The following SNX27 variants were observed in gnomAD, a reference collection of about 807,000 sequenced individuals.
The protein encoded by SNX27 is sorting nexin-27.
SNX27 carries 22 observed loss-of-function variants against 71.6 expected under a neutral mutation model. The ratio of observed to expected loss-of-function variants is 0.31; its 90% confidence interval spans 0.22 to 0.44. SNX27 has a LOEUF of 0.44. SNX27 is among the 20% of genes least tolerant of loss of function. The pLI, the probability that SNX27 is intolerant of heterozygous loss-of-function variation, is 1.00. For synonymous variants in SNX27, 269 were observed against 277.2 expected, an observed-to-expected ratio of 0.97 and a Z score of 0.29; for missense variants, 531 against 698.6, an observed-to-expected ratio of 0.76 and a Z score of 2.70.
At chr1:151,618,886 C>T (rs187247135) in intron 1 of SNX27, among the ~76,000 whole-genome samples, 3 of 152,038 alleles carry the variant, frequency 2.0e-5, no homozygotes, top group Admixed American at 1.3e-4. Flanking sequence ...CAGTAAGAGC[C>T]CATGGATGGG....
At position 151,639,032 on chromosome 1, in the gene SNX27, A is replaced by G. The variant is rs774725804; in HGVS notation, c.456A>G (p.Gln152=). The part of the protein sequence containing the change: ...NLDPSDDSLG[Q]SFYDYTEKQA... The stretch of plus-strand genomic sequence containing the variant: ...ATCCCAGTGACGACTCGTTGGGACA[A>G]TCATTTTATGATTACACAGAAAAGC... The change falls in exon 2 of 12, where the codon CAA becomes CAG. Residue 152 remains glutamine (Q), a synonymous_variant. Coordinates refer to ENST00000458013, the MANE Select transcript of SNX27 (RefSeq NM_001330723.2). The G allele has an allele frequency of 1.3e-5, 21 of 1,614,086 alleles. No homozygotes were observed. The highest frequency in any genetic ancestry group is 1.6e-4 in the Middle Eastern group (1 of 6,084).
Position 151,633,274 on chromosome 1 carries a change from C to T in SNX27, c.312-5614C>T, listed in dbSNP as rs946598432. Among the ~76,000 whole-genome samples the T allele has an allele frequency of 6.6e-5, 10 of 152,084 alleles. No homozygotes were observed. The South Asian group carries it at 1.2e-3, about 19-fold the overall frequency. ...GTATACATCCATTTAACCACCACCCCAGTCAAGATACAGACAGTTCCATCA... is the reference window on the plus strand; with the variant it reads ...GTATACATCCATTTAACCACCACCCTAGTCAAGATACAGACAGTTCCATCA... On this transcript the variant is annotated intron_variant, in intron 1 of 11. Coordinates refer to ENST00000458013, the MANE Select transcript of SNX27 (RefSeq NM_001330723.2).
At chr1:151,651,947 C>T (rs1461131045) in intron 2 of SNX27, among the ~76,000 whole-genome samples, 1 of 152,076 alleles carries the variant, frequency 6.6e-6, no homozygotes, top group South Asian at 2.1e-4. Context: ...CGTCTGCAAT[C>T]CCGGCACCTG....
rs749749676 is a variant in SNX27, at chr1:151,696,543, TTCTC to T, written c.*2128_*2131del. 1 of 144,216 alleles carries T rather than the reference TTCTC, an allele frequency of 6.9e-6. No individual in the cohort carries two copies. Among genetic ancestry groups the T allele is most frequent in the Admixed American group, 7.0e-5 (1 of 14,208 alleles). The allele number at this position is 144,216 out of a possible 1,614,324, so 8.9% of individuals were successfully genotyped here. On this transcript the variant is annotated 3_prime_UTR_variant, in exon 12 of 12. Transcript: ENST00000458013. ...TTTCGTTCTTTCTTTCTTTCTTTCT[TTCTC>T]TTTCTTTCTTTTGCTTTCCTTCTTT... is the stretch of plus-strand genomic sequence containing the variant.
chr1:151,673,685 G>T (rs775965941), intron 7 of SNX27, among the ~76,000 whole-genome samples: 34 of 152,046 alleles, frequency 2.2e-4, no homozygotes, highest in Non-Finnish European at 4.4e-4. Flanking sequence ...AATAATATTT[G>T]CTTTAGATAT....
At chr1:151,628,006 GT>G (rs34932455) in intron 1 of SNX27, among the ~76,000 whole-genome samples, 36,590 of 122,714 alleles carry the variant, frequency 0.3, 4,544 homozygotes, top group Middle Eastern at 0.4. Flanking sequence ...TTTCATGACT[GT>G]TTTTTTTTTT....
Position 151,692,508 on chromosome 1 carries a change from G to A in SNX27, c.1313G>A (p.Arg438Lys), listed in dbSNP as rs1671502312. ...CCCCACTGTGCCTGTGACTCCAGGA[G>A]GAAGGGGCACGTTATCACAGCCATC... ...IFPHCACDSR[R>K]KGHVITAISI... Residue 438 changes from arginine (R) to lysine (K), a missense_variant, in exon 9 of 12, where the codon AGG becomes AAG. Physicochemically the swap from Arg to Lys is conservative, Grantham distance 26. Coordinates refer to ENST00000458013, the MANE Select transcript of SNX27 (RefSeq NM_001330723.2). 2 of 1,608,998 alleles carry A rather than the reference G, an allele frequency of 1.2e-6. No homozygotes were observed. Among genetic ancestry groups the A allele is most frequent in the African/African-American group, 1.4e-5 (1 of 73,916 alleles).
intron 1 of SNX27, among the ~76,000 whole-genome samples, chr1:151,614,785 A>C (rs1309064797): frequency 1.3e-5 from 2 of 152,214 alleles, no homozygotes; most frequent in African/African-American, 4.8e-5. Flanking sequence ...TATAATTATA[A>C]ATTTATGATG....
rs1668605133 is a variant in SNX27, at chr1:151,639,069, A to C, written c.493A>C (p.Ile165Leu). The change falls in exon 2 of 12, where the codon ATA becomes CTA. Residue 165 changes from isoleucine (I) to leucine (L), a missense_variant. Transcript: ENST00000458013. ...TTACACAGAAAAGCAAGCAGTGCCC[A>C]TATCGGTCCCCAGATACAAACATGT... ...YDYTEKQAVP[I>L]SVPRYKHVEQ... is the part of the protein sequence containing the mutation. The C allele has an allele frequency of 6.2e-7, 1 of 1,614,236 alleles. No homozygotes were observed. The highest frequency in any genetic ancestry group is 8.5e-7 in the Non-Finnish European group (1 of 1,180,042).
chr1:151,686,742 C>G (rs912874306), intron 8 of SNX27, among the ~76,000 whole-genome samples: 1 of 152,254 alleles, frequency 6.6e-6, no homozygotes, highest in African/African-American at 2.4e-5. Flanking sequence ...ACCATAGCAA[C>G]TAAGTGTGGT....
chr1:151,617,741 G>A (rs1449758882), intron 1 of SNX27, among the ~76,000 whole-genome samples: 5 of 152,130 alleles, frequency 3.3e-5, no homozygotes, highest in African/African-American at 1.2e-4. Context: ...GTAAATACTT[G>A]CCAAATGAAT....
chr1:151,662,254 C>T lies in SNX27; in HGVS notation c.890C>T (p.Thr297Ile), dbSNP rs778127651. The change falls in exon 5 of 12, where the codon ACA (threonine) becomes ATA (isoleucine). Residue 297 changes from threonine (T) to isoleucine (I), a missense_variant. Thr to Ile is a moderately conservative substitution (Grantham distance 89). Transcript: ENST00000458013. Reference sequence around the variant, plus strand: ...GTCAGGGTTAAAAAGAACAGTACTACAGACCAAGTATATCAGGTAAATTAA... The same window carrying T: ...GTCAGGGTTAAAAAGAACAGTACTATAGACCAAGTATATCAGGTAAATTAA... ...VTVRVKKNST[T>I]DQVYQAIAAK... 1 of 1,609,296 alleles carries T rather than the reference C, an allele frequency of 6.2e-7. No individual in the cohort carries two copies. Among genetic ancestry groups the T allele is most frequent in the Non-Finnish European group, 8.5e-7 (1 of 1,175,880 alleles).
chr1:151,652,301 T>C (rs1054638868), intron 2 of SNX27, among the ~76,000 whole-genome samples: 1 of 152,000 alleles, frequency 6.6e-6, no homozygotes, highest in Non-Finnish European at 1.5e-5. Flanking sequence ...TCTCTTTAGA[T>C]AATTTTTATG....
At chr1:151,616,636 A>G (rs1190533436) in intron 1 of SNX27, among the ~76,000 whole-genome samples, 3 of 152,264 alleles carry the variant, frequency 2.0e-5, no homozygotes, top group Non-Finnish European at 4.4e-5. Context: ...AGTGTGAGTC[A>G]TGTAACACAG....
chr1:151,620,366 G>C (rs1011463281), intron 1 of SNX27, among the ~76,000 whole-genome samples: 2 of 152,118 alleles, frequency 1.3e-5, no homozygotes, highest in Non-Finnish European at 2.9e-5. Flanking sequence ...GGCGAAAGAG[G>C]AAAATCACTA....
At chr1:151,692,630 T>C (rs145721362) in intron 9 of SNX27, 46 bp downstream of exon 9, 2 of 1,588,566 alleles carry the variant, frequency 1.3e-6, no homozygotes, top group Non-Finnish European at 1.7e-6. Flanking sequence ...TGGAGATACT[T>C]TGATGCTCAC....
Position 151,692,432 on chromosome 1 carries a change from T to TTATTAAAAAAAA in SNX27, c.1240-3_1240-2insTATTAAAAAAAA. On this transcript the variant is annotated splice_polypyrimidine_tract_variant and splice_region_variant and intron_variant, in intron 8 of 11. Transcript: ENST00000458013. ...TTTTTTTTTTTTTTTTTTTTTTTTT[T>TTATTAAAAAAAA]AGTACCTCAACATGCTAAGGACTTG... The TTATTAAAAAAAA allele has an allele frequency of 6.9e-7, 1 of 1,452,062 alleles. No individual in the cohort carries two copies. Among genetic ancestry groups the TTATTAAAAAAAA allele is most frequent in the Non-Finnish European group, 9.1e-7 (1 of 1,101,920 alleles). The allele number at this position is 1,452,062 out of a possible 1,614,324, so 89.9% of individuals were successfully genotyped here.
intron 2 of SNX27, among the ~76,000 whole-genome samples, chr1:151,642,947 T>C (rs975507539): frequency 2.6e-5 from 4 of 151,174 alleles, no homozygotes; most frequent in Admixed American, 2.6e-4. Context: ...GCCTATTTTT[T>C]ATTTTTGTTT....
chr1:151,692,875 C>T (rs1671521897), intron 9 of SNX27, 36 bp from the exon 10 acceptor site: 1 of 1,613,478 alleles, frequency 6.2e-7, no homozygotes, highest in African/African-American at 1.3e-5. Context: ...CTCTGAAACA[C>T]AGACTGTACC....
Sources: allele counts gnomAD v4.1 joint callset (sites outside exome capture counted in the v4.1 genomes callset), GRCh38; gene constraint gnomAD v4.1.1; transcripts MANE v1.5; gene names NCBI Gene and HGNC (gene_info 2026-07-23, HGNC 2026-07-21).